The following UBP1 variants were observed in gnomAD, a reference collection of about 807,000 sequenced individuals.
The protein encoded by UBP1 is upstream binding protein 1.
UBP1 carries 22 observed loss-of-function variants against 76.1 expected under a neutral mutation model. The ratio of observed to expected loss-of-function variants is 0.29; its 90% CI spans 0.21 to 0.41. The LOEUF is 0.41. Ranked by LOEUF, UBP1 falls within the 10% of genes least tolerant of loss-of-function variation. The pLI, the probability that UBP1 is intolerant of heterozygous loss-of-function variation, is 1.00. For missense variants in UBP1, 436 were observed against 668.1 expected, an observed-to-expected ratio of 0.65 and a Z score of 3.83; for synonymous variants, 224 against 237.1, an observed-to-expected ratio of 0.94 and a Z score of 0.51.
In UBP1 at chr3:33,388,355, A is replaced by G. The variant is rs1055240680; in HGVS notation, c.*1976T>C. ...CACACATTTGCAAAACAATCAGAAA[A>G]CATTTATTATACTGAAATGTGTACA... On this transcript the variant is annotated 3_prime_UTR_variant, in exon 16 of 16. Coordinates refer to ENST00000283629, the MANE Select transcript of UBP1 (RefSeq NM_014517.5). The G allele has an allele frequency of 2.0e-5, 3 of 152,608 alleles. No individual in the cohort carries two copies. Among genetic ancestry groups the G allele is most frequent in the Non-Finnish European group, 2.9e-5 (2 of 68,036 alleles). 9.5% of individuals were successfully genotyped at this position (152,608 alleles called of 1,614,324 possible).
At chr3:33,403,584 G>GTCTGTCTGTCTA (rs60697427) in intron 8 of UBP1, 4 of 148,878 alleles carry the variant, frequency 2.7e-5, no homozygotes, top group African/African-American at 1.0e-4. Flanking sequence ...CTGTCTGTCT[G>GTCTGTCTGTCTA]TCTATCTATC....
intron 15 of UBP1, 56 bp from the exon 16 acceptor site, chr3:33,390,424 T>G: frequency 6.3e-7 from 1 of 1,596,972 alleles, no homozygotes; most frequent in Non-Finnish European, 8.6e-7. Context: ...ATTAAGCCTA[T>G]TAAATGGAAA....
Position 33,396,289 on chromosome 3 carries a change from A to G in UBP1, c.1272-9T>C. The G allele has an allele frequency of 6.4e-7, 1 of 1,565,492 alleles. No individual in the cohort carries two copies. The highest frequency in any genetic ancestry group is 1.1e-5 in the South Asian group (1 of 87,138). On this transcript the variant is annotated splice_polypyrimidine_tract_variant and intron_variant, in intron 12 of 15. Transcript: ENST00000283629. ...AACGGGGTCTAACCGACCTGCAATC[A>G]GAAGATGCCACTGATGAGCCTGGGA...
At chr3:33,401,704 G>C (rs946334368) in intron 9 of UBP1, among the ~76,000 whole-genome samples, 1 of 152,274 alleles carries the variant, frequency 6.6e-6, no homozygotes, top group South Asian at 2.1e-4. Context: ...TCCTTCAGAC[G>C]GGGGTCTGTC....
chr3:33,408,631 T>G, intron 8 of UBP1, 59 bp downstream of exon 8: 2 of 1,421,284 alleles, frequency 1.4e-6, no homozygotes, highest in South Asian at 2.8e-5. Flanking sequence ...AAGTTGGTCC[T>G]ATATCTAACA....
chr3:33,391,748 C>T (rs372553698), intron 15 of UBP1: 6 of 152,358 alleles, frequency 3.9e-5, no homozygotes, highest in African/African-American at 1.2e-4. Flanking sequence ...TCTCCTGCCT[C>T]GTTTTGCCAC....
At chr3:33,414,654 T>C (rs1426722768) in intron 3 of UBP1, among the ~76,000 whole-genome samples, 3 of 152,180 alleles carry the variant, frequency 2.0e-5, no homozygotes, top group Non-Finnish European at 4.4e-5. Context: ...AAAAAGGATG[T>C]AATTTCCAAG....
At position 33,412,745 on chromosome 3, in the gene UBP1, G is replaced by C; in HGVS notation, c.425C>G (p.Pro142Arg). 1 of 1,613,286 alleles carries C rather than the reference G, an allele frequency of 6.2e-7. No individual in the cohort carries two copies. Among genetic ancestry groups the C allele is most frequent in the Non-Finnish European group, 8.5e-7 (1 of 1,179,228 alleles). ...ACCTAAATCAAGAAGTCTGTCTCCT[G>C]GGCGATTCCACTTCCATCCTTCAAG... ...QQLEGWKWNR[P>R]GDRLLDLDIP... The change falls in exon 4 of 16, where the codon CCA becomes CGA. Residue 142 changes from proline (P) to arginine (R), a missense_variant. By Grantham distance (103) the Pro-to-Arg change is moderately radical. Around this residue, in one of 3 missense-constraint regions of UBP1, gnomAD observed 161 missense variants for 237.9 expected, o/e 0.68. Transcript: ENST00000283629.
At chr3:33,410,361 T>A (rs1334169587) in intron 5 of UBP1, among the ~76,000 whole-genome samples, 2 of 152,212 alleles carry the variant, frequency 1.3e-5, no homozygotes, top group Non-Finnish European at 1.5e-5. Flanking sequence ...CAACACAACC[T>A]GATATGTAAA....
chr3:33,396,180 C>G lies in UBP1; in HGVS notation c.1372G>C (p.Gly458Arg). The change falls in exon 13 of 16, where the codon GGC becomes CGC. Residue 458 changes from glycine (G) to arginine (R), a missense_variant. Gly to Arg is a moderately radical substitution (Grantham distance 125). Coordinates refer to ENST00000283629, the MANE Select transcript of UBP1 (RefSeq NM_014517.5). ...QQAASSASENGSGAPYVYHAI... is the reference protein window; with the variant it reads ...QQAASSASENRSGAPYVYHAI... The stretch of plus-strand genomic sequence containing the variant: ...TACCTACCATAGGGTGCCCCACTGC[C>G]ATTCTCGCTTGCACTGCTTGCAGCT... 1.3e-6 allele frequency: 2 copies of G among 1,582,656 alleles called. No homozygotes were observed. Among genetic ancestry groups the G allele is most frequent in the Non-Finnish European group, 1.7e-6 (2 of 1,155,288 alleles).
upstream of UBP1, chr3:33,440,801 G>T (rs1575497569): frequency 6.6e-6 from 1 of 152,382 alleles, no homozygotes; most frequent in Admixed American, 6.5e-5. Context: ...GAGTTCATTG[G>T]ACTGCATGGT....
At chr3:33,398,224 C>T (rs1448009700) in intron 11 of UBP1, 1 of 152,160 alleles carries the variant, frequency 6.6e-6, no homozygotes, top group Non-Finnish European at 1.5e-5. Flanking sequence ...TAAATAGCCA[C>T]TTACATATGT....
chr3:33,414,440 C>CA (rs1430170626), intron 3 of UBP1, among the ~76,000 whole-genome samples: 1 of 151,814 alleles, frequency 6.6e-6, no homozygotes, highest in Admixed American at 6.6e-5. Context: ...AAAAATAGGA[C>CA]AAAAAAAGAC....
intron 10 of UBP1, 102 bp from the exon 11 acceptor site, chr3:33,400,384 A>G (rs747611043): frequency 2.4e-5 from 20 of 836,156 alleles, no homozygotes; most frequent in Non-Finnish European, 3.6e-5. Context: ...AAAACACCCA[A>G]AAAGAGCATG....
At chr3:33,441,296 T>C (rs1045285413), upstream of UBP1, 2 of 152,290 alleles carry the variant, frequency 1.3e-5, no homozygotes, top group African/African-American at 4.8e-5. Flanking sequence ...CAGAGTTCCT[T>C]AGGAGCGGCT....
chr3:33,437,884 AT>A (rs533692760), intron 1 of UBP1, among the ~76,000 whole-genome samples: 270 of 152,294 alleles, frequency 1.8e-3, no homozygotes, highest in Middle Eastern at 6.8e-3. Context: ...AGGGCCTTGA[AT>A]TTGCAAGAGG....
chr3:33,434,592 A>G (rs1397356348), intron 1 of UBP1, among the ~76,000 whole-genome samples: 1 of 151,246 alleles, frequency 6.6e-6, no homozygotes, highest in Admixed American at 6.6e-5. Flanking sequence ...CGGTGACTCT[A>G]TCCTTTAGAG....
chr3:33,408,291 A>C (rs777417787), intron 8 of UBP1, among the ~76,000 whole-genome samples: 7 of 152,196 alleles, frequency 4.6e-5, no homozygotes, highest in Non-Finnish European at 7.3e-5. Context: ...AGAAAGCAAG[A>C]CCCTTTTCAG....
intron 1 of UBP1, among the ~76,000 whole-genome samples, chr3:33,434,967 G>A (rs2045182151): frequency 6.6e-6 from 1 of 152,144 alleles, no homozygotes; most frequent in South Asian, 2.1e-4. Context: ...TTATAGGCGT[G>A]AGCCATGGCG....
Sources: allele counts gnomAD v4.1 joint callset (sites outside exome capture counted in the v4.1 genomes callset), GRCh38; gene constraint gnomAD v4.1.1; regional missense constraint gnomAD v4.1.1; transcripts MANE v1.5; gene names NCBI Gene and HGNC (gene_info 2026-07-23, HGNC 2026-07-21).